Variants in HPD observed in about 807,000 individuals in gnomAD.
HPD encodes 4-hydroxyphenylpyruvate dioxygenase, also known as 4-hydroxyphenylpyruvic acid oxidase.
A neutral mutation model predicts 56.9 loss-of-function variants in HPD; 35 were observed. That is an observed-to-expected ratio of 0.62 (90% CI 0.47 to 0.82). The LOEUF is 0.82. HPD is among the 40% of genes least tolerant of loss of function. The pLI, the probability that HPD is intolerant of heterozygous loss-of-function variation, is 0.00. For missense variants in HPD, 442 were observed against 506.8 expected, an observed-to-expected ratio of 0.87 and a Z score of 1.23; for synonymous variants, 186 against 200.2, an observed-to-expected ratio of 0.93 and a Z score of 0.60.
At chr12:121,859,279 G>T (rs1169468066), upstream of HPD, 1 of 265,786 alleles carries the variant, frequency 3.8e-6, no homozygotes, top group Admixed American at 4.9e-5. Flanking sequence ...TGAGAGGCAC[G>T]GCAGGAGAAG....
upstream of HPD, among the ~76,000 whole-genome samples, chr12:121,868,513 CTTT>C (rs796659182): frequency 1.1e-4 from 15 of 135,286 alleles, 1 homozygote; most frequent in African/African-American, 3.1e-4. Context: ...CTATTTCTTT[CTTT>C]TTTCTTTTTT....
rs373009704 is a variant in HPD at position 121,856,572 on chromosome 12, G to C, written c.241+11C>G. 1 of 1,613,782 alleles carries C rather than the reference G, an allele frequency of 6.2e-7. No individual in the cohort carries two copies. Among genetic ancestry groups the C allele is most frequent in the East Asian group, 2.2e-5 (1 of 44,870 alleles). Reference sequence around the variant, plus strand: ...ACAGAGCCATGCGTCCACCCTCCCCGGGCACCTCACCTTTGTTCCAGGGGT... The same window carrying C: ...ACAGAGCCATGCGTCCACCCTCCCCCGGCACCTCACCTTTGTTCCAGGGGT... On this transcript the variant is annotated intron_variant, in intron 5 of 13. Transcript: ENST00000289004.
Position 121,857,513 on chromosome 12 carries a change from C to G in HPD, c.94-81G>C, listed in dbSNP as rs891185842. 1.7e-5 allele frequency: 19 copies of G among 1,091,796 alleles called. 1 individual carries two copies. In the Admixed American group the frequency reaches 2.3e-4, roughly 13 times the overall value. The allele number at this position is 1,091,796 out of a possible 1,614,324, so 67.6% of individuals were successfully genotyped here. On this transcript the variant is annotated intron_variant, in intron 3 of 13. Coordinates refer to ENST00000289004, the MANE Select transcript of HPD (RefSeq NM_002150.3). ...CTTCCGCAAGAGAGCCCCTGGCCCC[C>G]CTCAGCCTGCCTGCCCTATTGCCTC...
upstream of HPD, among the ~76,000 whole-genome samples, chr12:121,860,579 G>C (rs972633898): frequency 1.3e-5 from 2 of 152,200 alleles, no homozygotes; most frequent in African/African-American, 4.8e-5. Context: ...GATGCTCTCT[G>C]TTCAGGCTGG....
chr12:121,853,096 G>A (rs948180649), intron 7 of HPD, among the ~76,000 whole-genome samples: 1 of 152,088 alleles, frequency 6.6e-6, no homozygotes. Flanking sequence ...AACACTGCAT[G>A]TTCTCACTTA....
chr12:121,872,615 G>A, the HPD span, among the ~76,000 whole-genome samples: 2 of 151,840 alleles, frequency 1.3e-5, no homozygotes, highest in Non-Finnish European at 2.9e-5. Flanking sequence ...CGTTCATGTC[G>A]TTTGGGTGGG....
intron 11 of HPD, among the ~76,000 whole-genome samples, chr12:121,845,264 A>G (rs1029764098): frequency 1.3e-5 from 2 of 149,114 alleles, no homozygotes; most frequent in African/African-American, 5.2e-5. Context: ...ACAGGTGTGC[A>G]CCACCACACC....
intron 12 of HPD, among the ~76,000 whole-genome samples, chr12:121,841,686 C>A (rs543567191): frequency 1.4e-4 from 20 of 146,416 alleles, no homozygotes; most frequent in Admixed American, 2.7e-4. Context: ...TTTGTGATTC[C>A]TTTTTTTTTT....
At chr12:121,855,737 GA>G (rs1306175341) in intron 6 of HPD, among the ~76,000 whole-genome samples, 2 of 149,690 alleles carry the variant, frequency 1.3e-5, no homozygotes, top group East Asian at 3.9e-4. Flanking sequence ...ACAAAAGAAA[GA>G]AAAAGAAAAT....
chr12:121,881,569 G>C, the HPD span, among the ~76,000 whole-genome samples: 2 of 151,988 alleles, frequency 1.3e-5, no homozygotes, highest in Non-Finnish European at 2.9e-5. Flanking sequence ...CTTAAGGGGT[G>C]GGGTAAGAGA....
At chr12:121,883,729 G>GTAATCCCA in the HPD span, among the ~76,000 whole-genome samples, 1 of 147,248 alleles carries the variant, frequency 6.8e-6, no homozygotes, top group Non-Finnish European at 1.5e-5. Context: ...ACGTTGCTCA[G>GTAATCCCA]GCTGGTCTCA....
chr12:121,858,553 G>T, intron 2 of HPD, 134 bp downstream of exon 2: 1 of 913,560 alleles, frequency 1.1e-6, no homozygotes, highest in South Asian at 1.3e-5. Flanking sequence ...GGGTAAAGCT[G>T]AGTGTGCAGG....
the HPD span, among the ~76,000 whole-genome samples, chr12:121,871,535 A>G: frequency 6.6e-6 from 1 of 152,170 alleles, no homozygotes; most frequent in African/African-American, 2.4e-5. Context: ...CTCCCAAGCA[A>G]GGGCAGCTGG....
upstream of HPD, among the ~76,000 whole-genome samples, chr12:121,867,021 A>C (rs1878345332): frequency 6.6e-6 from 1 of 152,170 alleles, no homozygotes; most frequent in African/African-American, 2.4e-5. Context: ...ATCAAGCAGT[A>C]TGTAGCCTTT....
chr12:121,853,629 A>G (rs1431013172), intron 7 of HPD, among the ~76,000 whole-genome samples: 1 of 149,886 alleles, frequency 6.7e-6, no homozygotes, highest in African/African-American at 2.5e-5. Flanking sequence ...CTCAAAAAAA[A>G]AAAAAAAAAG....
At chr12:121,870,842 C>T in the HPD span, among the ~76,000 whole-genome samples, 4 of 151,908 alleles carry the variant, frequency 2.6e-5, no homozygotes, top group African/African-American at 9.7e-5. Context: ...TTGATCCGCC[C>T]GCCTCGGTCT....
chr12:121,848,407 G>A (rs894032903), intron 9 of HPD, among the ~76,000 whole-genome samples: 3 of 151,950 alleles, frequency 2.0e-5, no homozygotes, highest in African/African-American at 7.3e-5. Flanking sequence ...CGCCTTCCTG[G>A]TTCAAGCGAT....
the HPD span, among the ~76,000 whole-genome samples, chr12:121,872,892 T>G: frequency 6.6e-6 from 1 of 152,070 alleles, no homozygotes; most frequent in Non-Finnish European, 1.5e-5. Flanking sequence ...GAGCAACTTG[T>G]TCCAGGCAGA....
chr12:121,876,823 C>G, the HPD span, among the ~76,000 whole-genome samples: 2 of 152,080 alleles, frequency 1.3e-5, no homozygotes, highest in African/African-American at 4.8e-5. Context: ...GTGGCTCATG[C>G]CTGTAATCCC....
Sources: gnomAD v4.1 joint callset for allele counts (sites outside exome capture counted in the v4.1 genomes callset) on GRCh38, gnomAD v4.1.1 for gene constraint, MANE v1.5 for transcripts, NCBI Gene and HGNC (gene_info 2026-07-23, HGNC 2026-07-21) for gene names.